MTHFD1: variants seen among roughly 807,000 people sequenced by gnomAD.
The protein encoded by MTHFD1 is methylenetetrahydrofolate dehydrogenase, cyclohydrolase and formyltetrahydrofolate synthetase 1.
In MTHFD1, 44 loss-of-function variants were observed where a neutral mutation model predicts 110.3. The ratio of observed to expected loss-of-function variants is 0.40; its 90% CI spans 0.31 to 0.51. The LOEUF (loss-of-function observed/expected upper bound fraction) is 0.51, where lower values mean the gene tolerates loss of function less well. Among genes scored for constraint, MTHFD1 ranks in the 20% least tolerant of loss-of-function variants. MTHFD1 has a pLI of 0.60. For missense variants in MTHFD1, 909 were observed against 1,173.1 expected (o/e 0.77, Z 3.29); for synonymous variants, 402 against 428.8 (o/e 0.94, Z 0.77).
chr14:64,457,816 G>A (rs1405182186), intron 26 of MTHFD1, among the ~76,000 whole-genome samples: 1 of 152,126 alleles, frequency 6.6e-6, no homozygotes, highest in African/African-American at 2.4e-5. Flanking sequence ...TGTAACAAGA[G>A]TACCCACTTT....
At chr14:64,440,876 T>C (rs1320014482) in intron 18 of MTHFD1, 2 of 247,418 alleles carry the variant, frequency 8.1e-6, no homozygotes, top group Non-Finnish European at 1.6e-5. Flanking sequence ...AGATATTACA[T>C]GTGAATGTCA....
At chr14:64,448,802 CT>C (rs34868771) in intron 23 of MTHFD1, among the ~76,000 whole-genome samples, 137 of 145,372 alleles carry the variant, frequency 9.4e-4, no homozygotes, top group Non-Finnish European at 1.1e-3. Flanking sequence ...AGCAAAAAAT[CT>C]TTTTTTTTTT....
intron 2 of MTHFD1, among the ~76,000 whole-genome samples, chr14:64,405,302 A>G (rs1272039035): frequency 6.6e-6 from 1 of 152,196 alleles, no homozygotes; most frequent in African/African-American, 2.4e-5. Context: ...ACTGACTTCC[A>G]ACCTTGTTTT....
chr14:64,443,893 C>T (rs990747668), intron 21 of MTHFD1, among the ~76,000 whole-genome samples: 4 of 152,168 alleles, frequency 2.6e-5, no homozygotes, highest in Non-Finnish European at 4.4e-5. Flanking sequence ...CATTAGCTTG[C>T]TGACGGGAAG....
intron 24 of MTHFD1, among the ~76,000 whole-genome samples, chr14:64,452,278 A>G (rs1175512665): frequency 1.3e-5 from 2 of 152,238 alleles, no homozygotes; most frequent in Non-Finnish European, 2.9e-5. Flanking sequence ...CTGGGCAACA[A>G]GTGCAAAACT....
intron 16 of MTHFD1, 128 bp from the exon 17 acceptor site, chr14:64,438,968 T>C (rs1041481637): frequency 2.7e-6 from 2 of 738,398 alleles, no homozygotes; most frequent in Non-Finnish European, 5.0e-6. Context: ...ATTCTAGCTT[T>C]GCCATCCATT....
intron 1 of MTHFD1, among the ~76,000 whole-genome samples, chr14:64,400,159 T>TG (rs918658405): frequency 2.0e-5 from 3 of 148,650 alleles, no homozygotes; most frequent in Non-Finnish European, 3.0e-5. Context: ...GAAGCTGAGG[T>TG]GGGGGGATCA....
intron 8 of MTHFD1, among the ~76,000 whole-genome samples, chr14:64,421,579 C>T (rs1189624988): frequency 3.3e-5 from 5 of 151,996 alleles, no homozygotes; most frequent in African/African-American, 7.2e-5. Context: ...TGAATACTTG[C>T]GATATGACAT....
chr14:64,448,697 C>T (rs1405028975), intron 23 of MTHFD1: 2 of 272,782 alleles, frequency 7.3e-6, no homozygotes, highest in Non-Finnish European at 1.4e-5. Context: ...GCATATTACT[C>T]TGGAAGGGGT....
chr14:64,437,623 G>T (rs1467183030), intron 16 of MTHFD1, among the ~76,000 whole-genome samples: 2 of 152,212 alleles, frequency 1.3e-5, no homozygotes, highest in African/African-American at 2.4e-5. Flanking sequence ...CTTCAGACAC[G>T]AATCGCAAGT....
At chr14:64,442,459 G>T in intron 21 of MTHFD1, 57 bp downstream of exon 21, 2 of 1,571,418 alleles carry the variant, frequency 1.3e-6, no homozygotes, top group Non-Finnish European at 8.7e-7. Context: ...CCAAAAGGAA[G>T]TTGGATGACT....
At position 64,452,094 on chromosome 14, in the gene MTHFD1, G is replaced by A. The variant is rs1292735615; in HGVS notation, c.2458-1660G>A. ...GTGGATCACCTAAGGTCAGGAGTTCGAGACCAGCCTGACCAAGATGGTGAA... is the reference window on the plus strand; with the variant it reads ...GTGGATCACCTAAGGTCAGGAGTTCAAGACCAGCCTGACCAAGATGGTGAA... On this transcript the variant is annotated intron_variant, in intron 24 of 27. Transcript: ENST00000652337. Among the ~76,000 whole-genome samples the A allele has an allele frequency of 3.3e-5, 5 of 152,114 alleles. No homozygotes were observed. The East Asian group carries it at 5.8e-4, about 18-fold the overall frequency.
chr14:64,447,929 G>C (rs1395585065), intron 22 of MTHFD1: 4 of 449,018 alleles, frequency 8.9e-6, no homozygotes, highest in South Asian at 8.7e-5. Flanking sequence ...AAGCTATAAT[G>C]ATGTGGCATA....
At position 64,419,868 on chromosome 14, in the gene MTHFD1, G is replaced by A; in HGVS notation, c.670G>A (p.Gly224Arg). The change falls in exon 8 of 28, where the codon GGG (glycine) becomes AGG (arginine). Residue 224 changes from glycine (G) to arginine (R), a missense_variant. Gly to Arg is a moderately radical substitution (Grantham distance 125). Transcript: ENST00000652337. ...AACTGGTCAGCCTGAAATGGTTAAA[G>A]GGGAGTGGATCAAACCTGGGGCAAT... ...VATGQPEMVK[G>R]EWIKPGAIVI... is the part of the protein sequence containing the mutation. The A allele has an allele frequency of 1.2e-6, 2 of 1,614,188 alleles. No individual in the cohort carries two copies.
chr14:64,436,262 T>C (rs2078205467), intron 16 of MTHFD1, among the ~76,000 whole-genome samples: 1 of 152,006 alleles, frequency 6.6e-6, no homozygotes, highest in Non-Finnish European at 1.5e-5. Flanking sequence ...GCCCGGCTAA[T>C]TTTTTGTATT....
chr14:64,421,467 A>C (rs1378584572), intron 8 of MTHFD1, among the ~76,000 whole-genome samples: 1 of 151,910 alleles, frequency 6.6e-6, no homozygotes, highest in Admixed American at 6.6e-5. Context: ...CACTCTCCCT[A>C]CCGTGCTTTT....
intron 16 of MTHFD1, among the ~76,000 whole-genome samples, chr14:64,437,850 C>G (rs2078218247): frequency 1.3e-5 from 2 of 152,112 alleles, no homozygotes; most frequent in South Asian, 4.1e-4. Flanking sequence ...TTCACCAGCC[C>G]AGAGGCTCAT....
At chr14:64,426,814 C>G (rs1300971785) in intron 11 of MTHFD1, among the ~76,000 whole-genome samples, 1 of 152,130 alleles carries the variant, frequency 6.6e-6, no homozygotes, top group Non-Finnish European at 1.5e-5. Flanking sequence ...GATGGATTTA[C>G]TAAGCATTCA....
At chr14:64,444,914 C>G in intron 22 of MTHFD1, 180 bp downstream of exon 22, 9 of 656,634 alleles carry the variant, frequency 1.4e-5, no homozygotes. Flanking sequence ...AGATGTACCT[C>G]ACAAAATAGA....
Sources: allele counts gnomAD v4.1 joint callset (sites outside exome capture counted in the v4.1 genomes callset), GRCh38; gene constraint gnomAD v4.1.1; transcripts MANE v1.5; gene names NCBI Gene and HGNC (gene_info 2026-07-23, HGNC 2026-07-21).